MAP3K7: variants seen among roughly 807,000 people sequenced by gnomAD.
The protein encoded by MAP3K7 is mitogen-activated protein kinase kinase kinase 7.
A neutral mutation model predicts 84.8 loss-of-function variants in MAP3K7; 21 were observed. The ratio of observed to expected loss-of-function variants is 0.25; its 90% confidence interval spans 0.18 to 0.36. The LOEUF (loss-of-function observed/expected upper bound fraction) is 0.36. MAP3K7 is among the 10% of genes least tolerant of loss of function. The probability of loss-of-function intolerance (pLI) is 1.00; values close to 1 mark genes in which losing one functional copy is unlikely to be tolerated. For missense variants in MAP3K7, 503 were observed against 747.7 expected, an observed-to-expected ratio of 0.67 and a Z score of 3.82; for synonymous variants, 241 against 247.7, an observed-to-expected ratio of 0.97 and a Z score of 0.25.
chr6:90,566,421 GACAA>G (rs1444653918), intron 3 of MAP3K7, among the ~76,000 whole-genome samples: 2 of 152,124 alleles, frequency 1.3e-5, no homozygotes, highest in African/African-American at 2.4e-5. Context: ...ACTAATAACA[GACAA>G]ACAGAGAGCC....
chr6:90,554,761 T>C (rs1776283817), intron 6 of MAP3K7, among the ~76,000 whole-genome samples: 3 of 152,244 alleles, frequency 2.0e-5, no homozygotes, highest in African/African-American at 7.2e-5. Context: ...CACATAAAGG[T>C]ATATTAAATA....
At chr6:90,527,613 A>C (rs1220024664) in intron 13 of MAP3K7, among the ~76,000 whole-genome samples, 1 of 152,108 alleles carries the variant, frequency 6.6e-6, no homozygotes, top group Admixed American at 6.5e-5. Flanking sequence ...GATATCTGGA[A>C]ACATGACATA....
chr6:90,523,522 G>A (rs1775221299), intron 14 of MAP3K7, among the ~76,000 whole-genome samples, 156 bp downstream of exon 14: 1 of 151,592 alleles, frequency 6.6e-6, no homozygotes, highest in South Asian at 2.1e-4. Context: ...TATTCAAAAT[G>A]GTATTTTAAC....
At chr6:90,520,178 C>G (rs1177571817) in intron 14 of MAP3K7, among the ~76,000 whole-genome samples, 1 of 151,906 alleles carries the variant, frequency 6.6e-6, no homozygotes, top group Admixed American at 6.6e-5. Flanking sequence ...TAGTTGCTTT[C>G]CCACTGTTAG....
At chr6:90,549,895 A>G (rs766971996) in intron 9 of MAP3K7, among the ~76,000 whole-genome samples, 1 of 152,198 alleles carries the variant, frequency 6.6e-6, no homozygotes, top group Non-Finnish European at 1.5e-5. Flanking sequence ...AGACACACAC[A>G]TATCTTTAAG....
chr6:90,547,293 A>G lies in MAP3K7; in HGVS notation c.1175T>C (p.Met392Thr), dbSNP rs778011461. 11 of 1,613,340 alleles carry G rather than the reference A, an allele frequency of 6.8e-6. No individual in the cohort carries two copies. The South Asian group carries it at 9.9e-5, about 15-fold the overall frequency. The change falls in exon 11 of 17, where the codon ATG becomes ACG. Residue 392 changes from methionine (M) to threonine (T), a missense_variant. By Grantham distance (81) the Met-to-Thr change is moderately conservative (BLOSUM62 -1). Coordinates refer to ENST00000369329, the MANE Select transcript of MAP3K7 (RefSeq NM_145331.3). ...TSEGKRMSAD[M>T]SEIEARIAAT... ...GGCGATCCTAGCTTCTATTTCAGAC[A>G]TGTCAGCACTCATCCTCTTGCCCTC...
At chr6:90,551,374 CT>C (rs757610579) in intron 8 of MAP3K7, 3 of 152,022 alleles carry the variant, frequency 2.0e-5, no homozygotes, top group Non-Finnish European at 4.4e-5. Context: ...GATATTTGAA[CT>C]TTTTAAAGCC....
intron 12 of MAP3K7, among the ~76,000 whole-genome samples, chr6:90,540,619 T>C (rs961453525): frequency 3.3e-5 from 5 of 151,950 alleles, no homozygotes; most frequent in Non-Finnish European, 5.9e-5. Flanking sequence ...TATATGTATA[T>C]GACAGTATTT....
chr6:90,555,853 T>C (rs1031111115), intron 6 of MAP3K7, among the ~76,000 whole-genome samples: 6 of 152,226 alleles, frequency 3.9e-5, no homozygotes, highest in Admixed American at 3.3e-4. Context: ...TTTATTACCA[T>C]TGAACTCATA....
intron 13 of MAP3K7, among the ~76,000 whole-genome samples, chr6:90,533,814 CCA>C (rs1312973618): frequency 2.0e-5 from 3 of 152,274 alleles, no homozygotes; most frequent in South Asian, 4.1e-4. Context: ...AACAGTGAGG[CCA>C]CAGTGTCAAA....
intron 3 of MAP3K7, among the ~76,000 whole-genome samples, chr6:90,567,847 T>A (rs185599752): frequency 2.0e-5 from 3 of 152,174 alleles, no homozygotes; most frequent in African/African-American, 7.2e-5. Context: ...GATTAAGAAA[T>A]TGTGGCACAT....
chr6:90,547,230 A>G lies in MAP3K7; in HGVS notation c.1210+28T>C, dbSNP rs1776029701. 3.1e-6 allele frequency: 5 copies of G among 1,611,946 alleles called. No homozygotes were observed. In the Admixed American group the frequency reaches 6.7e-5, roughly 22 times the overall value. The stretch of plus-strand genomic sequence containing the variant: ...GCCAAAAAGGCTTATATACATTTTC[A>G]CTCTTCAGACTTGTAGTTCCTTTTT... On this transcript the variant is annotated intron_variant, in intron 11 of 16. Transcript: ENST00000369329.
rs896177735 is a variant in MAP3K7, at chr6:90,516,164, G to C, written c.*337C>G. On this transcript the variant is annotated 3_prime_UTR_variant, in exon 17 of 17. Coordinates refer to ENST00000369329, the MANE Select transcript of MAP3K7 (RefSeq NM_145331.3). ...TAATATGAAAAAATGGACGCTGTTT[G>C]CACATAGCAGCTAGTTTGATACCTC... is the stretch of plus-strand genomic sequence containing the variant. 3.7e-6 allele frequency: 1 copy of C among 273,864 alleles called. No homozygotes were observed. The highest frequency in any genetic ancestry group is 2.3e-5 in the African/African-American group (1 of 44,034). 17.0% of individuals were successfully genotyped at this position (273,864 alleles called of 1,614,324 possible).
Position 90,523,779 on chromosome 6 carries a change from C to T in MAP3K7, c.1361G>A (p.Ser454Asn), listed in dbSNP as rs1344447752. The T allele has an allele frequency of 3.8e-6, 6 of 1,576,152 alleles. No individual in the cohort carries two copies. The highest frequency in any genetic ancestry group is 5.2e-6 in the Non-Finnish European group (6 of 1,145,928). The change falls in exon 14 of 17, where the codon AGC (serine) becomes AAC (asparagine). Residue 454 changes from serine to asparagine, a missense_variant. Around this residue, in one of 5 missense-constraint regions of MAP3K7, gnomAD observed 286 missense variants for 313.6 expected, o/e 0.91. Coordinates refer to ENST00000369329, the MANE Select transcript of MAP3K7 (RefSeq NM_145331.3). ...TVTGTEPGQVSSRSSSPSVRM... is the reference protein window; with the variant it reads ...TVTGTEPGQVNSRSSSPSVRM... ...GACACTGGGACTGGATGACCTACTG[C>T]TCACCTACAGGAAGAAGTCACAGGA...
At chr6:90,586,071 C>G (rs1447318820) in intron 1 of MAP3K7, among the ~76,000 whole-genome samples, 11 of 152,202 alleles carry the variant, frequency 7.2e-5, no homozygotes, top group Admixed American at 7.2e-4. Flanking sequence ...CAATCTTTGG[C>G]CATTAAGAAC....
Position 90,516,276 on chromosome 6 carries a change from T to G in MAP3K7, c.*225A>C. ...CTGTTTTGAAGTTGCAAAGTGCTGC[T>G]CATTCAAGTCACAGATGCTACCATG... On this transcript the variant is annotated 3_prime_UTR_variant, in exon 17 of 17. Coordinates refer to ENST00000369329, the MANE Select transcript of MAP3K7 (RefSeq NM_145331.3). The G allele has an allele frequency of 1.8e-6, 1 of 566,284 alleles. No homozygotes were observed. Among genetic ancestry groups the G allele is most frequent in the Non-Finnish European group, 3.1e-6 (1 of 320,320 alleles). The allele number at this position is 566,284 out of a possible 1,614,324, so 35.1% of individuals were successfully genotyped here.
At chr6:90,585,058 C>A (rs1371076035) in intron 1 of MAP3K7, among the ~76,000 whole-genome samples, 1 of 152,154 alleles carries the variant, frequency 6.6e-6, no homozygotes, top group African/African-American at 2.4e-5. Context: ...TAATATGTGT[C>A]AGGCCCTGTG....
At chr6:90,550,438 A>T in intron 9 of MAP3K7, 30 bp downstream of exon 9, 6 of 1,424,230 alleles carry the variant, frequency 4.2e-6, no homozygotes, top group Non-Finnish European at 5.9e-6. Flanking sequence ...AGAAAAATCA[A>T]GTCAATACTC....
intron 12 of MAP3K7, among the ~76,000 whole-genome samples, chr6:90,543,527 C>A (rs571038900): frequency 4.2e-4 from 64 of 152,124 alleles, no homozygotes; most frequent in Middle Eastern, 3.4e-3. Flanking sequence ...TAAGCAACAA[C>A]AACAAAATAA....
Sources: allele counts gnomAD v4.1 joint callset (sites outside exome capture counted in the v4.1 genomes callset), GRCh38; gene constraint gnomAD v4.1.1; regional missense constraint gnomAD v4.1.1; transcripts MANE v1.5; gene names NCBI Gene and HGNC (gene_info 2026-07-23, HGNC 2026-07-21).